Variants in LIPI observed in about 807,000 individuals in gnomAD.
LIPI encodes lipase I, also known as lipase member I.
In LIPI, 59 loss-of-function variants were observed where a neutral mutation model predicts 50.6. That is an observed-to-expected ratio of 1.16 (90% CI 0.94 to 1.45). The LOEUF (loss-of-function observed/expected upper bound fraction) is 1.45. LIPI is among the 40% of genes most tolerant of loss of function. LIPI has a pLI of 0.00. For synonymous variants in LIPI, 203 were observed against 178.2 expected (o/e 1.14, Z -1.11); for missense variants, 586 against 536.3 (o/e 1.09, Z -0.92).
At chr21:14,190,298 T>C (rs2019627542) in intron 1 of LIPI, among the ~76,000 whole-genome samples, 1 of 152,154 alleles carries the variant, frequency 6.6e-6, no homozygotes, top group Non-Finnish European at 1.5e-5. Flanking sequence ...TTCACAGATT[T>C]TTGTGATTCT....
In LIPI at chr21:14,181,776, T is replaced by C; in HGVS notation, c.625A>G (p.Ile209Val). 6.2e-7 allele frequency: 1 copy of C among 1,604,894 alleles called. No homozygotes were observed. The highest frequency in any genetic ancestry group is 8.5e-7 in the Non-Finnish European group (1 of 1,171,968). ...DYTDAKFVDVIHSDSNGLGIQ... is the reference protein window; with the variant it reads ...DYTDAKFVDVVHSDSNGLGIQ... ...TTGTTACCATTGGAGTCAGAATGGATGACATCCACAAACTTTGCATCCGTG... is the reference window on the plus strand; with the variant it reads ...TTGTTACCATTGGAGTCAGAATGGACGACATCCACAAACTTTGCATCCGTG... Residue 209 changes from isoleucine to valine, a missense_variant, in exon 4 of 10, where the codon ATC becomes GTC. Transcript: ENST00000681601.
chr21:14,184,143 G>A (rs1193614694), intron 3 of LIPI, among the ~76,000 whole-genome samples: 3 of 152,160 alleles, frequency 2.0e-5, no homozygotes, highest in African/African-American at 4.8e-5. Context: ...ATACTATGCA[G>A]CCATAAAAAA....
intron 9 of LIPI, among the ~76,000 whole-genome samples, chr21:14,111,888 G>C (rs2016430164): frequency 6.6e-6 from 1 of 151,948 alleles, no homozygotes; most frequent in African/African-American, 2.4e-5. Flanking sequence ...TACATGTGCA[G>C]GTTTGTTACA....
intron 4 of LIPI, among the ~76,000 whole-genome samples, chr21:14,176,410 TTTTAAAACAGC>T (rs1474790329): frequency 6.6e-6 from 1 of 151,948 alleles, no homozygotes; most frequent in African/African-American, 2.4e-5. Context: ...ATTTTCAGCC[TTTTAAAACAGC>T]TGTACTCAAA....
intron 9 of LIPI, among the ~76,000 whole-genome samples, chr21:14,134,075 A>T (rs79945912): frequency 0.031 from 4,766 of 151,900 alleles, 192 homozygotes; most frequent in African/African-American, 0.093. Flanking sequence ...AAATAATTTT[A>T]AAAAAAATAG....
chr21:14,158,615 A>T (rs924517181), intron 7 of LIPI, among the ~76,000 whole-genome samples: 1 of 148,562 alleles, frequency 6.7e-6, no homozygotes, highest in African/African-American at 2.4e-5. Context: ...AAATATATAT[A>T]TGTGTGTGTA....
At chr21:14,199,896 T>C (rs1321845445) in intron 1 of LIPI, among the ~76,000 whole-genome samples, 1 of 152,032 alleles carries the variant, frequency 6.6e-6, no homozygotes, top group Admixed American at 6.6e-5. Context: ...TCAAAAAGCT[T>C]ATCCACCATG....
chr21:14,140,539 C>T (rs1453649770), intron 9 of LIPI, among the ~76,000 whole-genome samples: 2 of 151,818 alleles, frequency 1.3e-5, no homozygotes, highest in Non-Finnish European at 2.9e-5. Context: ...CTTTCAGTTT[C>T]CTGTTTTGGC....
intron 9 of LIPI, among the ~76,000 whole-genome samples, chr21:14,125,444 A>G (rs2017022663): frequency 6.6e-6 from 1 of 152,258 alleles, no homozygotes; most frequent in African/African-American, 2.4e-5. Flanking sequence ...AAATTTAATC[A>G]TGAAACTACT....
At chr21:14,184,639 T>C (rs1158290118) in intron 3 of LIPI, among the ~76,000 whole-genome samples, 1 of 152,198 alleles carries the variant, frequency 6.6e-6, no homozygotes, top group Non-Finnish European at 1.5e-5. Flanking sequence ...CATTCTGATA[T>C]AGAACCTCCA....
chr21:14,163,282 G>A, intron 7 of LIPI, 137 bp downstream of exon 7: 1 of 596,932 alleles, frequency 1.7e-6, no homozygotes, highest in Non-Finnish European at 3.0e-6. Context: ...TTGTCCCACT[G>A]GCTATAGCAA....
At chr21:14,198,229 A>G (rs991306552) in intron 1 of LIPI, among the ~76,000 whole-genome samples, 1 of 152,184 alleles carries the variant, frequency 6.6e-6, no homozygotes, top group Non-Finnish European at 1.5e-5. Flanking sequence ...CAAAATAACC[A>G]GCCAACATCA....
intron 1 of LIPI, among the ~76,000 whole-genome samples, chr21:14,203,531 G>GT (rs1568886896): frequency 6.6e-6 from 1 of 151,936 alleles, no homozygotes; most frequent in East Asian, 1.9e-4. Context: ...CATGTCCTTT[G>GT]TAGGGACATG....
At chr21:14,137,520 G>C (rs559326589) in intron 9 of LIPI, among the ~76,000 whole-genome samples, 2 of 152,100 alleles carry the variant, frequency 1.3e-5, no homozygotes, top group Non-Finnish European at 2.9e-5. Flanking sequence ...CTTAAAGACA[G>C]GCTATTTGAA....
In LIPI at chr21:14,165,330, T is replaced by G; in HGVS notation, c.794A>C (p.Glu265Ala). The change falls in exon 6 of 10, where the codon GAA (glutamate) becomes GCA (alanine). Residue 265 changes from glutamate to alanine, a missense_variant. Glu to Ala is a moderately radical substitution (Grantham distance 107, BLOSUM62 -1). Coordinates refer to ENST00000681601, the MANE Select transcript of LIPI (RefSeq NM_001302998.2). ...AAATGAAATAAAATTGCAGTTTGTT[T>G]CTAAAGATGCCATGAACAAGTGAAC... Reference protein sequence around the residue: ...RAVHLFMASLETNCNFISFPC... With the variant: ...RAVHLFMASLATNCNFISFPC... The G allele has an allele frequency of 6.2e-7, 1 of 1,612,794 alleles. No homozygotes were observed. Among genetic ancestry groups the G allele is most frequent in the African/African-American group, 1.3e-5 (1 of 74,994 alleles).
At chr21:14,173,932 C>T (rs916743069) in intron 4 of LIPI, among the ~76,000 whole-genome samples, 6 of 152,172 alleles carry the variant, frequency 3.9e-5, no homozygotes, top group African/African-American at 1.2e-4. Context: ...CTTAAAATCC[C>T]ATCATCTTCT....
rs142331595 is a variant in LIPI at position 14,144,677 on chromosome 21, G to A, written c.1241C>T (p.Thr414Ile). ...GAGACTCTGGATCTTGTATGTGCAT[G>A]TGGAACACTGCAGATTTGAGCTCTG... ...YFQSSNLQCS[T>I]CTYKIQSLML... The change falls in exon 9 of 10, where the codon ACA (threonine) becomes ATA (isoleucine). Residue 414 changes from threonine to isoleucine, a missense_variant. Transcript: ENST00000681601. 1.3e-6 allele frequency: 2 copies of A among 1,577,880 alleles called. No individual in the cohort carries two copies. The highest frequency in any genetic ancestry group is 2.2e-5 in the East Asian group (1 of 44,552).
At chr21:14,143,287 G>C (rs913242498) in intron 9 of LIPI, among the ~76,000 whole-genome samples, 8 of 151,992 alleles carry the variant, frequency 5.3e-5, no homozygotes, top group African/African-American at 1.9e-4. Flanking sequence ...TAATGTTCCT[G>C]CCGAAAATGT....
intron 1 of LIPI, among the ~76,000 whole-genome samples, chr21:14,202,322 G>GA (rs1266973695): frequency 6.6e-6 from 1 of 152,062 alleles, no homozygotes; most frequent in African/African-American, 2.4e-5. Context: ...CACAGAATTC[G>GA]AAAAAACTAT....
Sources: gnomAD v4.1 joint callset for allele counts (sites outside exome capture counted in the v4.1 genomes callset) on GRCh38, gnomAD v4.1.1 for gene constraint, MANE v1.5 for transcripts, NCBI Gene and HGNC (gene_info 2026-07-23, HGNC 2026-07-21) for gene names.